Variants in PCDH15 observed in about 807,000 individuals in gnomAD.
The protein encoded by PCDH15 is protocadherin-15.
A neutral mutation model predicts 178.5 loss-of-function variants in PCDH15; 129 were observed. That is an observed-to-expected ratio of 0.72 (90% confidence interval 0.63 to 0.84). The LOEUF (loss-of-function observed/expected upper bound fraction) is 0.84. Among genes scored for constraint, PCDH15 ranks in the 40% least tolerant of loss-of-function variants. The pLI is 0.00. For synonymous variants in PCDH15, 800 were observed against 732.0 expected (o/e 1.09, Z -1.50); for missense variants, 2,230 against 2,099.9 (o/e 1.06, Z -1.21).
intron 5 of PCDH15, among the ~76,000 whole-genome samples, chr10:54,347,770 A>G (rs1214387590): frequency 1.3e-5 from 2 of 152,130 alleles, no homozygotes; most frequent in Non-Finnish European, 2.9e-5. Context: ...TGGAATATGG[A>G]GCCCATGCTA....
intron 29 of PCDH15, among the ~76,000 whole-genome samples, chr10:53,834,643 C>T (rs1311200152): frequency 6.6e-6 from 1 of 151,872 alleles, no homozygotes; most frequent in Admixed American, 6.6e-5. Context: ...GAATTGATTA[C>T]TGCTATGTTA....
intron 1 of PCDH15, among the ~76,000 whole-genome samples, chr10:55,197,508 T>C (rs529260096): frequency 1.2e-4 from 18 of 152,122 alleles, no homozygotes; most frequent in Admixed American, 3.3e-4. Context: ...TGTAGCTTTA[T>C]ATAAGTCATT....
intron 2 of PCDH15, among the ~76,000 whole-genome samples, chr10:54,601,781 A>G (rs1243155487): frequency 6.6e-6 from 1 of 152,040 alleles, no homozygotes; most frequent in Non-Finnish European, 1.5e-5. Context: ...GCACCACGGA[A>G]TTCTATGCAG....
chr10:54,185,723 T>A (rs2048423196), intron 11 of PCDH15, among the ~76,000 whole-genome samples: 1 of 152,034 alleles, frequency 6.6e-6, no homozygotes, highest in Admixed American at 6.6e-5. Flanking sequence ...CATATTACTA[T>A]CTTGTTCTTA....
chr10:54,005,214 A>G (rs1019510071), intron 20 of PCDH15, among the ~76,000 whole-genome samples: 1 of 152,140 alleles, frequency 6.6e-6, no homozygotes, highest in Admixed American at 6.6e-5. Context: ...AATGACTGAA[A>G]GAAAACATGC....
At chr10:54,412,244 ATATATT>A (rs1164576839) in intron 3 of PCDH15, among the ~76,000 whole-genome samples, 5 of 149,154 alleles carry the variant, frequency 3.4e-5, no homozygotes, top group Non-Finnish European at 5.9e-5. Context: ...CTTCTTAAAT[ATATATT>A]TATATTTTAA....
chr10:55,137,171 C>T (rs1179278543), intron 2 of PCDH15, among the ~76,000 whole-genome samples: 1 of 152,124 alleles, frequency 6.6e-6, no homozygotes, highest in Non-Finnish European at 1.5e-5. Context: ...CATGATATTT[C>T]ATACATTACA....
At chr10:54,366,848 C>A (rs1017164599) in intron 5 of PCDH15, among the ~76,000 whole-genome samples, 1 of 151,574 alleles carries the variant, frequency 6.6e-6, no homozygotes, top group Non-Finnish European at 1.5e-5. Flanking sequence ...GATAGGATGA[C>A]CTCAGTTATC....
intron 15 of PCDH15, among the ~76,000 whole-genome samples, chr10:54,128,048 GAT>G (rs2042124673): frequency 6.6e-6 from 1 of 152,096 alleles, no homozygotes; most frequent in African/African-American, 2.4e-5. Flanking sequence ...CTGGTGCTGG[GAT>G]AGAGAGGATG....
intron 2 of PCDH15, among the ~76,000 whole-genome samples, chr10:55,457,627 CA>C (rs1839582640): frequency 6.6e-6 from 1 of 151,888 alleles, no homozygotes; most frequent in African/African-American, 2.4e-5. Flanking sequence ...AATATGTTTC[CA>C]AAACTAAAGC....
At chr10:54,547,709 A>T (rs1234298192) in intron 2 of PCDH15, among the ~76,000 whole-genome samples, 1 of 152,066 alleles carries the variant, frequency 6.6e-6, no homozygotes, top group Non-Finnish European at 1.5e-5. Context: ...AATAATTTTT[A>T]TTTGTATTAT....
chr10:55,085,894 C>G lies in PCDH15; in HGVS notation c.-80+80682G>C, dbSNP rs534718592. 7.3e-5 allele frequency among the ~76,000 whole-genome samples: 11 copies of G among 151,576 alleles called. No homozygotes were observed. The East Asian group carries it at 2.1e-3, about 29-fold the overall frequency. ...CCATGTGTAACTATAATAATAAAGA[C>G]ACAATAATATATGTTGATGACTATT... is the stretch of plus-strand genomic sequence containing the variant. On this transcript the variant is annotated intron_variant, in intron 2 of 5. Coordinates refer to the PCDH15 transcript ENST00000458638.
intron 2 of PCDH15, among the ~76,000 whole-genome samples, chr10:54,638,335 C>T (rs1052960464): frequency 1.6e-4 from 25 of 151,892 alleles, no homozygotes; most frequent in Non-Finnish European, 3.5e-4. Flanking sequence ...AACCCATGGC[C>T]TCCCAAATAA....
chr10:54,832,519 C>G (rs1400897312), intron 3 of PCDH15, among the ~76,000 whole-genome samples: 1 of 152,206 alleles, frequency 6.6e-6, no homozygotes, highest in Non-Finnish European at 1.5e-5. Flanking sequence ...GCCATTCACT[C>G]ATTTCCATGC....
At chr10:55,621,789 G>T (rs1194941828) in intron 2 of PCDH15, among the ~76,000 whole-genome samples, 2 of 150,972 alleles carry the variant, frequency 1.3e-5, no homozygotes, top group Non-Finnish European at 2.9e-5. Flanking sequence ...AGGTGAAAAA[G>T]GGTACATGTG....
chr10:55,546,010 T>A (rs1303342649), intron 2 of PCDH15, among the ~76,000 whole-genome samples: 1 of 152,266 alleles, frequency 6.6e-6, no homozygotes, highest in East Asian at 1.9e-4. Context: ...AAGTCAATGA[T>A]GTTATTTCTT....
intron 8 of PCDH15, among the ~76,000 whole-genome samples, chr10:54,278,807 G>A (rs374585420): frequency 4.6e-5 from 7 of 151,536 alleles, no homozygotes; most frequent in African/African-American, 7.3e-5. Flanking sequence ...TGCCATCTGC[G>A]TACCTTTTAT....
chr10:54,736,439 G>T (rs1270673023), intron 1 of PCDH15, among the ~76,000 whole-genome samples: 1 of 151,944 alleles, frequency 6.6e-6, no homozygotes. Context: ...ATTTATAAAT[G>T]TGCCCCATGC....
chr10:54,267,481 AT>A (rs111868249), intron 8 of PCDH15, among the ~76,000 whole-genome samples: 1 of 151,950 alleles, frequency 6.6e-6, no homozygotes, highest in Non-Finnish European at 1.5e-5. Context: ...AGGAAGTTAA[AT>A]TTTATTTCTT....
Sources: gnomAD v4.1 joint callset for allele counts (sites outside exome capture counted in the v4.1 genomes callset) on GRCh38, gnomAD v4.1.1 for gene constraint, MANE v1.5 for transcripts, NCBI Gene and HGNC (gene_info 2026-07-23, HGNC 2026-07-21) for gene names.